The following KIAA1671 variants were observed in gnomAD, a reference collection of about 807,000 sequenced individuals.
KIAA1671 encodes the protein KIAA1671.
A neutral mutation model predicts 131.2 loss-of-function variants in KIAA1671; 52 were observed. That is an observed-to-expected ratio of 0.40 (90% CI 0.32 to 0.50). The LOEUF (loss-of-function observed/expected upper bound fraction) is 0.50. KIAA1671 is among the 20% of genes least tolerant of loss of function. KIAA1671 has a pLI of 0.73. For missense variants in KIAA1671, 2,360 were observed against 2,364.2 expected (o/e 1.00, Z 0.04); for synonymous variants, 1,003 against 961.6 (o/e 1.04, Z -0.80).
At chr22:25,171,798 G>A (rs1182231389) in intron 7 of KIAA1671, among the ~76,000 whole-genome samples, 2 of 152,106 alleles carry the variant, frequency 1.3e-5, no homozygotes, top group African/African-American at 4.8e-5. Flanking sequence ...AAACAGATGA[G>A]GCGCTGGGGT....
chr22:25,167,665 GA>G (rs1338342514), intron 6 of KIAA1671, among the ~76,000 whole-genome samples: 1 of 152,206 alleles, frequency 6.6e-6, no homozygotes, highest in African/African-American at 2.4e-5. Flanking sequence ...ACTAGAGACA[GA>G]AAAGCTTCTA....
intron 6 of KIAA1671, among the ~76,000 whole-genome samples, chr22:25,081,637 T>C (rs5760830): frequency 0.64 from 97,141 of 151,098 alleles, 32,126 homozygotes; most frequent in African/African-American, 0.81. Context: ...TTTTTAAGCA[T>C]GTGCAGAGCT....
chr22:24,985,577 T>G (rs1206237042), intron 1 of KIAA1671, among the ~76,000 whole-genome samples: 2 of 152,052 alleles, frequency 1.3e-5, no homozygotes, highest in African/African-American at 4.8e-5. Flanking sequence ...CTGAGCTCAT[T>G]ATCCGCCCAC....
chr22:25,171,732 T>TA (rs1933857088), intron 7 of KIAA1671, among the ~76,000 whole-genome samples: 2 of 150,864 alleles, frequency 1.3e-5, no homozygotes, highest in African/African-American at 4.9e-5. Flanking sequence ...AAAAAAATAA[T>TA]AATAATAATA....
Position 25,124,631 on chromosome 22 carries a change from C to T in KIAA1671, c.4531-46189C>T, listed in dbSNP as rs547447337. On this transcript the variant is annotated intron_variant, in intron 6 of 12. Coordinates refer to ENST00000358431, the MANE Select transcript of KIAA1671 (RefSeq NM_001145206.2). ...GCCTTGTGAAGTACCCAGCATGATG[C>T]CTGGAACCTCGGAAGTGCATAATAA... 1.2e-4 allele frequency among the ~76,000 whole-genome samples: 18 copies of T among 152,312 alleles called. No homozygotes were observed. In the South Asian group the frequency reaches 3.5e-3, roughly 30 times the overall value.
chr22:25,064,252 G>A (rs1928343680), intron 6 of KIAA1671: 1 of 152,132 alleles, frequency 6.6e-6, no homozygotes, highest in Non-Finnish European at 1.5e-5. Flanking sequence ...GTAGAGACGG[G>A]GTTTCGCTCT....
At chr22:25,045,150 G>C (rs1377633533) in intron 5 of KIAA1671, among the ~76,000 whole-genome samples, 1 of 151,392 alleles carries the variant, frequency 6.6e-6, no homozygotes, top group Non-Finnish European at 1.5e-5. Context: ...GACAGAGAGA[G>C]ACTCCGTCTC....
chr22:25,107,747 A>G (rs934810768), intron 6 of KIAA1671, among the ~76,000 whole-genome samples: 1 of 152,014 alleles, frequency 6.6e-6, no homozygotes, highest in Non-Finnish European at 1.5e-5. Context: ...ATGGTGGCTC[A>G]TGCCTGTAAT....
At chr22:24,973,859 A>G (rs2123817690) in intron 1 of KIAA1671, among the ~76,000 whole-genome samples, 1 of 152,320 alleles carries the variant, frequency 6.6e-6, no homozygotes, top group South Asian at 2.1e-4. Context: ...ATGAATGACT[A>G]ATAAGGTCCT....
At chr22:25,035,170 G>A (rs1266645458) in intron 4 of KIAA1671, among the ~76,000 whole-genome samples, 1 of 151,004 alleles carries the variant, frequency 6.6e-6, no homozygotes, top group Non-Finnish European at 1.5e-5. Context: ...TCAGCCTCCT[G>A]AGTAGCTGGG....
intron 1 of KIAA1671, among the ~76,000 whole-genome samples, chr22:24,954,398 T>G (rs1458354844): frequency 6.6e-6 from 1 of 152,156 alleles, no homozygotes; most frequent in African/African-American, 2.4e-5. Context: ...CAAGCCCAGA[T>G]CTTGGTGGTT....
intron 6 of KIAA1671, among the ~76,000 whole-genome samples, chr22:25,093,755 TCTCTCTCTCTCTG>T (rs1930194971): frequency 1.5e-5 from 2 of 130,734 alleles, no homozygotes; most frequent in Non-Finnish European, 3.2e-5. Context: ...TCTCTCTCTC[TCTCTCTCTCTCTG>T]TCTCTCTCTC....
intron 1 of KIAA1671, among the ~76,000 whole-genome samples, chr22:24,971,919 A>G (rs1383432366): frequency 1.3e-5 from 2 of 152,100 alleles, no homozygotes; most frequent in South Asian, 4.1e-4. Context: ...TTCATGTTCC[A>G]GGGTGTGTCT....
intron 1 of KIAA1671, among the ~76,000 whole-genome samples, chr22:24,987,607 AC>A (rs1923622295): frequency 6.6e-6 from 1 of 152,122 alleles, no homozygotes; most frequent in Non-Finnish European, 1.5e-5. Context: ...AGTAACTGAG[AC>A]TACAGGCACA....
intron 6 of KIAA1671, among the ~76,000 whole-genome samples, chr22:25,145,717 T>A (rs1932866727): frequency 6.6e-6 from 1 of 152,110 alleles, no homozygotes; most frequent in Non-Finnish European, 1.5e-5. Flanking sequence ...GGCGGGTGGA[T>A]CACTTGAGGT....
intron 6 of KIAA1671, among the ~76,000 whole-genome samples, chr22:25,097,880 C>G (rs1407455291): frequency 4.6e-5 from 7 of 152,096 alleles, no homozygotes; most frequent in Non-Finnish European, 1.0e-4. Flanking sequence ...ATGCATAGAT[C>G]CACCCAGGTT....
At chr22:25,124,192 T>C (rs1387586388) in intron 6 of KIAA1671, among the ~76,000 whole-genome samples, 1 of 152,164 alleles carries the variant, frequency 6.6e-6, no homozygotes, top group East Asian at 1.9e-4. Context: ...TAAGTGCCCA[T>C]TACCCCACTT....
chr22:25,040,770 A>G lies in KIAA1671; in HGVS notation c.3640A>G (p.Lys1214Glu), dbSNP rs1602090648. The G allele has an allele frequency of 4.5e-5, 70 of 1,551,708 alleles. No individual in the cohort carries two copies. The East Asian group carries it at 1.7e-3, about 37-fold the overall frequency. The change falls in exon 5 of 13, where the codon AAA (lysine) becomes GAA (glutamate). Residue 1214 changes from lysine (K) to glutamate (E), a missense_variant. Physicochemically the swap from Lys to Glu is moderately conservative, Grantham distance 56 (BLOSUM62 1). This residue lies in a region of KIAA1671 where 1,161 missense variants were observed against 1,204.7 expected (regional missense o/e 0.96). Coordinates refer to ENST00000358431, the MANE Select transcript of KIAA1671 (RefSeq NM_001145206.2). The stretch of plus-strand genomic sequence containing the variant: ...GGCAGAGTACCAGGAGCTGTCGCTG[A>G]AAGTCCCTGGGGAGGCTCAGGAGAG... ...LMAEYQELSLKVPGEAQERRS... is the reference protein window; with the variant it reads ...LMAEYQELSLEVPGEAQERRS...
At chr22:25,077,140 G>T (rs2145858729) in intron 6 of KIAA1671, among the ~76,000 whole-genome samples, 1 of 152,346 alleles carries the variant, frequency 6.6e-6, no homozygotes, top group African/African-American at 2.4e-5. Flanking sequence ...GCAACGAGGA[G>T]GATGACAGAA....
Sources: allele counts gnomAD v4.1 joint callset (sites outside exome capture counted in the v4.1 genomes callset), GRCh38; gene constraint gnomAD v4.1.1; regional missense constraint gnomAD v4.1.1; transcripts MANE v1.5; gene names NCBI Gene and HGNC (gene_info 2026-07-23, HGNC 2026-07-21).